The following ZNF532 variants were observed in gnomAD, a reference collection of about 807,000 sequenced individuals.
The protein encoded by ZNF532 is zinc finger protein 532.
In ZNF532, 22 loss-of-function variants were observed where a neutral mutation model predicts 89.3. That is an observed-to-expected ratio of 0.25 (90% CI 0.18 to 0.35). The LOEUF is 0.35. ZNF532 is among the 10% of genes least tolerant of loss of function. The probability of loss-of-function intolerance (pLI) is 1.00; values close to 1 mark genes in which losing one functional copy is unlikely to be tolerated. For missense variants in ZNF532, 1,132 were observed against 1,643.4 expected (o/e 0.69, Z 5.38); for synonymous variants, 606 against 649.6 (o/e 0.93, Z 1.02).
chr18:58,870,800 GCTGT>G (rs1294352558), intron 2 of ZNF532, among the ~76,000 whole-genome samples: 2 of 152,124 alleles, frequency 1.3e-5, no homozygotes, highest in African/African-American at 4.8e-5. Flanking sequence ...TTCTTAGGTG[GCTGT>G]CTGGGGGTTG....
rs763462836 is a variant in ZNF532, at chr18:58,920,358, A to G, written c.2071A>G (p.Ile691Val). 4.3e-6 allele frequency: 7 copies of G among 1,613,834 alleles called. No homozygotes were observed. In the Admixed American group the frequency reaches 1.2e-4, roughly 27 times the overall value. Residue 691 changes from isoleucine (I) to valine (V), a missense_variant, in exon 3 of 10, where the codon ATA (isoleucine) becomes GTA (valine). Coordinates refer to ENST00000591808, the MANE Select transcript of ZNF532 (RefSeq NM_001375912.1). ...AAAGCCAGTCCCAGCAGATCAAATG[A>G]TAGTTTCTCCGTCAAGCAATACTTC... ...ILKPVPADQMIVSPSSNTSTS... is the reference protein window; with the variant it reads ...ILKPVPADQMVVSPSSNTSTS...
At chr18:58,878,567 T>C (rs961070809) in intron 2 of ZNF532, among the ~76,000 whole-genome samples, 11 of 152,206 alleles carry the variant, frequency 7.2e-5, no homozygotes, top group Admixed American at 2.0e-4. Flanking sequence ...CAGCCTGAAG[T>C]GGAGCCAACT....
chr18:58,898,511 C>T (rs1283352059), intron 2 of ZNF532, among the ~76,000 whole-genome samples: 1 of 152,212 alleles, frequency 6.6e-6, no homozygotes. Flanking sequence ...CAGGTCCTTG[C>T]AGCCTACTCT....
Position 58,919,700 on chromosome 18 carries a change from T to A in ZNF532, c.1413T>A (p.Ala471=), listed in dbSNP as rs778549160. ...CCCAAGTCATTAATTTGAAGCTCGC[T>A]AACAACACCACGGTGAAAGCCACGG... ...AGSQVINLKL[A]NNTTVKATVI... The change falls in exon 3 of 10, where the codon GCT becomes GCA. Residue 471 remains alanine (A), a synonymous_variant. Coordinates refer to ENST00000591808, the MANE Select transcript of ZNF532 (RefSeq NM_001375912.1). This position sits in a 1 kb window ranked among gnomAD's most constrained non-coding sequence, Gnocchi z 6.1. 1.2e-6 allele frequency: 2 copies of A among 1,613,806 alleles called. No individual in the cohort carries two copies. Among genetic ancestry groups the A allele is most frequent in the Admixed American group, 1.7e-5 (1 of 60,032 alleles).
chr18:58,918,760 G>A lies in ZNF532; in HGVS notation c.473G>A (p.Ser158Asn), dbSNP rs1029728894. 1.2e-6 allele frequency: 2 copies of A among 1,614,182 alleles called. No homozygotes were observed. The highest frequency in any genetic ancestry group is 2.7e-5 in the African/African-American group (2 of 75,048). The change falls in exon 3 of 10, where the codon AGC becomes AAC. Residue 158 changes from serine (S) to asparagine (N), a missense_variant. Ser to Asn is a conservative substitution (Grantham distance 46). This residue lies in a region of ZNF532 where 302 missense variants were observed against 319.8 expected (regional missense o/e 0.94). Transcript: ENST00000591808. ...CCTGACAAGGAGGACATGCGATCAA[G>A]CTTCAGGTCGAATGTGTTGACGGGG... Reference protein sequence around the residue: ...DPPDKEDMRSSFRSNVLTGSA... With the variant: ...DPPDKEDMRSNFRSNVLTGSA...
At chr18:58,901,453 C>T (rs963222593) in intron 2 of ZNF532, among the ~76,000 whole-genome samples, 2 of 152,118 alleles carry the variant, frequency 1.3e-5, no homozygotes, top group Admixed American at 1.3e-4. Flanking sequence ...GAGTCCACGC[C>T]CCTCCGATAT....
Position 58,984,741 on chromosome 18 carries a change from G to A in ZNF532, c.*275G>A, listed in dbSNP as rs1032143496. On this transcript the variant is annotated 3_prime_UTR_variant, in exon 10 of 10. Transcript: ENST00000591808. ...TATTTAGTGGAAAACCATTTGAGTT[G>A]TTTTGGGTTAGAATTTTTCTTTTTG... 2.8e-5 allele frequency: 7 copies of A among 252,858 alleles called. No homozygotes were observed. Among genetic ancestry groups the A allele is most frequent in the Admixed American group, 4.9e-5 (1 of 20,354 alleles). 15.7% of individuals were successfully genotyped at this position (252,858 alleles called of 1,614,324 possible). A position where few individuals can be genotyped will look rare whatever the true frequency, so the allele number is the denominator to read the frequency against.
intron 2 of ZNF532, among the ~76,000 whole-genome samples, chr18:58,899,053 C>T (rs1239044482): frequency 7.9e-5 from 12 of 152,354 alleles, no homozygotes; most frequent in South Asian, 2.1e-4. Context: ...GTGCTGAGTG[C>T]GCGTAGATTG....
chr18:58,983,271 C>T (rs559908349), intron 9 of ZNF532, among the ~76,000 whole-genome samples: 9 of 152,150 alleles, frequency 5.9e-5, no homozygotes, highest in African/African-American at 1.7e-4. Context: ...TGGAAGCAGA[C>T]GCAGTAGGGG....
intron 2 of ZNF532, among the ~76,000 whole-genome samples, chr18:58,882,326 A>G (rs1025534492): frequency 6.6e-6 from 1 of 152,182 alleles, no homozygotes; most frequent in Admixed American, 6.5e-5. Context: ...GTGTGTCTGG[A>G]GAGGAAGTAC....
chr18:58,885,491 A>G (rs1286649327), intron 2 of ZNF532, among the ~76,000 whole-genome samples: 1 of 152,166 alleles, frequency 6.6e-6, no homozygotes, highest in Non-Finnish European at 1.5e-5. Context: ...TTGTGCACAT[A>G]ATGAGATTTT....
intron 2 of ZNF532, among the ~76,000 whole-genome samples, chr18:58,883,250 T>C (rs2058056864): frequency 6.6e-6 from 1 of 152,220 alleles, no homozygotes; most frequent in Admixed American, 6.5e-5. Context: ...ATTTTTAAAG[T>C]CAATGATGGT....
At chr18:58,879,300 CA>C (rs1568224234) in intron 2 of ZNF532, among the ~76,000 whole-genome samples, 1 of 152,190 alleles carries the variant, frequency 6.6e-6, no homozygotes, top group East Asian at 1.9e-4. Flanking sequence ...ATTGGCAAAA[CA>C]ATTAATTAAA....
Position 58,888,763 on chromosome 18 carries a change from T to TTTATATATATATAAAATTA in ZNF532, c.-18+23184_-18+23185insTTATATATATATAAAATTA, listed in dbSNP as rs2058559258. Among the ~76,000 whole-genome samples, 18 of 67,436 alleles carry TTTATATATATATAAAATTA rather than the reference T, an allele frequency of 2.7e-4. 2 individuals carry two copies. The highest frequency in any genetic ancestry group is 1.3e-3 in the African/African-American group (16 of 12,708). 44.2% of individuals were successfully genotyped at this position (67,436 alleles called of 152,430 possible). On this transcript the variant is annotated intron_variant, in intron 2 of 9. Transcript: ENST00000591808. ...ATATTTTATATATATATAAAATTAATATATATAATTTATATATATATAAAA... is the reference window on the plus strand; with the variant it reads ...ATATTTTATATATATATAAAATTAATTTATATATATATAAAATTAATATATAATTTATATATATATAAAA...
Position 58,939,614 on chromosome 18 carries a change from G to GA in ZNF532, c.2700dup (p.Pro901ThrfsTer6). ...ACAGCATCCTGGCATCAAGATAGGA[G>GA]AACCAAAGTAAGTCATACCGACTTT... On this transcript the variant is annotated frameshift_variant, in exon 5 of 10. Transcript: ENST00000591808. LOFTEE classifies it high-confidence loss of function. The GA allele has an allele frequency of 6.2e-7, 1 of 1,610,226 alleles. No homozygotes were observed. Among genetic ancestry groups the GA allele is most frequent in the South Asian group, 1.1e-5 (1 of 90,016 alleles).
chr18:58,957,368 T>A (rs200651753), intron 7 of ZNF532, among the ~76,000 whole-genome samples: 8 of 112,336 alleles, frequency 7.1e-5, no homozygotes, highest in African/African-American at 2.9e-4. Context: ...GTGAACTTTG[T>A]ATACTTGATT....
At chr18:58,868,563 C>G (rs1430044362) in intron 2 of ZNF532, among the ~76,000 whole-genome samples, 1 of 152,158 alleles carries the variant, frequency 6.6e-6, no homozygotes, top group Non-Finnish European at 1.5e-5. Flanking sequence ...TCTAGAATGT[C>G]AGATAGCAAG....
chr18:58,945,164 G>A (rs376960163), intron 5 of ZNF532, among the ~76,000 whole-genome samples: 16 of 152,270 alleles, frequency 1.1e-4, no homozygotes, highest in African/African-American at 3.6e-4. Context: ...CAGTTGCTCA[G>A]TGTCCCCTGT....
chr18:58,938,288 C>T (rs1305191313), intron 4 of ZNF532, among the ~76,000 whole-genome samples: 1 of 152,142 alleles, frequency 6.6e-6, no homozygotes, highest in East Asian at 1.9e-4. Flanking sequence ...AGAGACCACT[C>T]TTAAATAGTT....
Sources: gnomAD v4.1 joint callset for allele counts (sites outside exome capture counted in the v4.1 genomes callset) on GRCh38, gnomAD v4.1.1 for gene constraint, gnomAD v4.1.1 regional missense constraint, Gnocchi (gnomAD v3.1) non-coding constraint, MANE v1.5 for transcripts, NCBI Gene and HGNC (gene_info 2026-07-23, HGNC 2026-07-21) for gene names.